CCDC171: variants seen among roughly 807,000 people sequenced by gnomAD.
The protein encoded by CCDC171 is coiled-coil domain containing 171.
A neutral mutation model predicts 168.2 loss-of-function variants in CCDC171; 177 were observed. The observed-to-expected ratio is 1.05, with a 90% CI of 0.93 to 1.19. CCDC171 has a LOEUF of 1.19. Ranked by LOEUF, CCDC171 falls within the 50% of genes most tolerant of loss-of-function variation. The pLI, the probability that CCDC171 is intolerant of heterozygous loss-of-function variation, is 0.00. For missense variants in CCDC171, 1,991 were observed against 1,539.0 expected (o/e 1.29, Z -4.91); for synonymous variants, 687 against 540.8 (o/e 1.27, Z -3.75).
intron 6 of CCDC171, among the ~76,000 whole-genome samples, chr9:15,622,234 A>G (rs2044567906): frequency 6.6e-6 from 1 of 152,308 alleles, no homozygotes. Flanking sequence ...TCCCTGTGAC[A>G]TGAGTTTACC....
At chr9:15,829,098 C>G (rs1216432355) in intron 21 of CCDC171, among the ~76,000 whole-genome samples, 1 of 152,186 alleles carries the variant, frequency 6.6e-6, no homozygotes, top group African/African-American at 2.4e-5. Flanking sequence ...ACATTCAGTC[C>G]TCACAGCAAC....
intron 20 of CCDC171, among the ~76,000 whole-genome samples, chr9:15,780,322 A>C (rs2135430665): frequency 6.6e-6 from 1 of 152,086 alleles, no homozygotes; most frequent in Middle Eastern, 3.4e-3. Context: ...AGCTGCTTCA[A>C]CTTTTTTTTT....
intron 3 of CCDC171, among the ~76,000 whole-genome samples, chr9:15,578,154 G>T (rs1447151197): frequency 1.3e-5 from 2 of 152,010 alleles, no homozygotes; most frequent in Non-Finnish European, 2.9e-5. Context: ...AGAAGGAGGA[G>T]AGGAAAGAAT....
At chr9:15,728,068 T>G (rs1216167366) in intron 15 of CCDC171, 32 bp downstream of exon 15, 1 of 1,550,752 alleles carries the variant, frequency 6.4e-7, no homozygotes, top group Admixed American at 1.8e-5. Flanking sequence ...ATACCTCTAT[T>G]AAATTCAGTG....
chr9:15,790,795 A>C (rs937515272), intron 21 of CCDC171, among the ~76,000 whole-genome samples: 1 of 152,218 alleles, frequency 6.6e-6, no homozygotes, highest in Non-Finnish European at 1.5e-5. Context: ...GAAGGGATCC[A>C]GTTTCAGCTT....
At chr9:16,024,841 G>C (rs978884147) in intron 6 of CCDC171, among the ~76,000 whole-genome samples, 24 of 152,240 alleles carry the variant, frequency 1.6e-4, no homozygotes, top group African/African-American at 5.3e-4. Context: ...GGGCCACTCA[G>C]AGATAGTATC....
At chr9:15,624,804 T>A (rs2044907814) in intron 7 of CCDC171, among the ~76,000 whole-genome samples, 1 of 152,220 alleles carries the variant, frequency 6.6e-6, no homozygotes, top group Admixed American at 6.5e-5. Flanking sequence ...GCAGCATGAT[T>A]TATAATCCTT....
intron 8 of CCDC171, among the ~76,000 whole-genome samples, chr9:16,036,366 C>G (rs980280780): frequency 1.3e-5 from 2 of 152,172 alleles, no homozygotes; most frequent in Non-Finnish European, 2.9e-5. Context: ...ATTTCTTGGC[C>G]GGGCACGGTG....
chr9:16,087,116 C>G, the CCDC171 span, among the ~76,000 whole-genome samples: 1 of 152,130 alleles, frequency 6.6e-6, no homozygotes, highest in African/African-American at 2.4e-5. Flanking sequence ...AATTTCCATT[C>G]TTTTGCATTT....
chr9:15,608,719 A>G (rs2043404464), intron 6 of CCDC171, among the ~76,000 whole-genome samples: 1 of 150,652 alleles, frequency 6.6e-6, no homozygotes, highest in Admixed American at 6.6e-5. Context: ...TAGGAGTCTG[A>G]GGTGGGAGAA....
intron 21 of CCDC171, among the ~76,000 whole-genome samples, chr9:15,799,724 C>CT (rs1040175101): frequency 1.3e-4 from 19 of 151,494 alleles, no homozygotes; most frequent in South Asian, 8.4e-4. Flanking sequence ...ATCTTTCTCT[C>CT]TGTTTTTTTT....
intron 21 of CCDC171, among the ~76,000 whole-genome samples, chr9:15,837,614 C>T (rs2060506487): frequency 6.6e-6 from 1 of 152,212 alleles, no homozygotes; most frequent in African/African-American, 2.4e-5. Context: ...GTCCATCCCT[C>T]TGCCTTGTCC....
At chr9:15,761,074 A>G (rs1457168525) in intron 18 of CCDC171, among the ~76,000 whole-genome samples, 1 of 152,202 alleles carries the variant, frequency 6.6e-6, no homozygotes, top group Non-Finnish European at 1.5e-5. Context: ...ATAGAAACAA[A>G]TGTGCTGATT....
intron 4 of CCDC171, among the ~76,000 whole-genome samples, chr9:15,579,704 T>C (rs1316091616): frequency 6.6e-6 from 1 of 152,198 alleles, no homozygotes; most frequent in Non-Finnish European, 1.5e-5. Flanking sequence ...TGCCACTTTT[T>C]TGTACTTTAT....
intron 21 of CCDC171, among the ~76,000 whole-genome samples, chr9:15,798,383 AT>A (rs1462290421): frequency 6.6e-6 from 1 of 151,574 alleles, no homozygotes; most frequent in Non-Finnish European, 1.5e-5. Context: ...AACTTATTCT[AT>A]TTTTTGTAAT....
intron 25 of CCDC171, among the ~76,000 whole-genome samples, chr9:15,947,253 A>G (rs1392704807): frequency 1.3e-5 from 2 of 151,994 alleles, no homozygotes; most frequent in Admixed American, 6.6e-5. Flanking sequence ...TTAAAAACTT[A>G]TAGGGTGTTT....
At chr9:15,792,076 A>T (rs1393861115) in intron 21 of CCDC171, among the ~76,000 whole-genome samples, 2 of 152,222 alleles carry the variant, frequency 1.3e-5, no homozygotes, top group African/African-American at 4.8e-5. Context: ...AAACCTTGAA[A>T]AAAGGTTAGA....
chr9:15,639,954 T>A lies in CCDC171; in HGVS notation c.822+16541T>A, dbSNP rs540852932. 8.5e-5 allele frequency among the ~76,000 whole-genome samples: 13 copies of A among 152,270 alleles called. No homozygotes were observed. The East Asian group carries it at 2.3e-3, about 27-fold the overall frequency. On this transcript the variant is annotated intron_variant, in intron 7 of 25. Coordinates refer to ENST00000380701, the MANE Select transcript of CCDC171 (RefSeq NM_173550.4). ...ACACAGGTCTTTTGCTTACTCCTAA[T>A]GGAAATGCTTATAGATGTGTCAGGA...
intron 2 of CCDC171, among the ~76,000 whole-genome samples, chr9:15,570,509 A>G (rs1404008558): frequency 6.6e-6 from 1 of 151,736 alleles, no homozygotes; most frequent in Non-Finnish European, 1.5e-5. Flanking sequence ...ACTTTTGGTG[A>G]TTGTTGGCTG....
Sources: gnomAD v4.1 joint callset for allele counts (sites outside exome capture counted in the v4.1 genomes callset) on GRCh38, gnomAD v4.1.1 for gene constraint, MANE v1.5 for transcripts, NCBI Gene and HGNC (gene_info 2026-07-23, HGNC 2026-07-21) for gene names.